Variants in LRRC28 observed in about 807,000 individuals in gnomAD.
LRRC28 encodes leucine rich repeat containing 28, also known as leucine-rich repeat-containing protein 28.
A neutral mutation model predicts 45.7 loss-of-function variants in LRRC28; 39 were observed. The observed-to-expected ratio is 0.85, with a 90% confidence interval of 0.66 to 1.12. The LOEUF (loss-of-function observed/expected upper bound fraction) is 1.12, where lower values mean the gene tolerates loss of function less well. LRRC28 is among the 50% of genes most tolerant of loss of function. The pLI, the probability that LRRC28 is intolerant of heterozygous loss-of-function variation, is 0.00. For missense variants in LRRC28, 435 were observed against 438.5 expected, an observed-to-expected ratio of 0.99 and a Z score of 0.07; for synonymous variants, 206 against 178.8, an observed-to-expected ratio of 1.15 and a Z score of -1.22.
At chr15:99,355,021 G>A (rs541474650) in intron 7 of LRRC28, among the ~76,000 whole-genome samples, 2 of 152,284 alleles carry the variant, frequency 1.3e-5, no homozygotes, top group South Asian at 4.1e-4. Flanking sequence ...ACATCTCAGA[G>A]GGAGAATAGA....
intron 5 of LRRC28, among the ~76,000 whole-genome samples, chr15:99,300,757 C>T (rs746001178): frequency 1.0e-3 from 156 of 152,230 alleles, no homozygotes; most frequent in Admixed American, 4.0e-3. Context: ...ACCCAAGAGG[C>T]GGAGGCTGCA....
chr15:99,285,622 T>A (rs1333816884), intron 3 of LRRC28: 4 of 665,134 alleles, frequency 6.0e-6, no homozygotes, highest in Admixed American at 2.4e-5. Context: ...CTCAGCAGCA[T>A]CCATGGGCAG....
rs1208160276 is a variant in LRRC28, at chr15:99,381,004, T to C, written c.1032-5026T>C. On this transcript the variant is annotated intron_variant, in intron 9 of 9. Transcript: ENST00000301981. The stretch of plus-strand genomic sequence containing the variant: ...TCAACTTTGGTGAATCTGATAATTA[T>C]GTATCTTGGAGTTGCTCTTCTCGAG... 9.8e-5 allele frequency among the ~76,000 whole-genome samples: 15 copies of C among 152,350 alleles called. 1 individual carries two copies. In the South Asian group the frequency reaches 2.1e-3, roughly 21 times the overall value.
chr15:99,343,057 T>C (rs1956568624), intron 6 of LRRC28, among the ~76,000 whole-genome samples: 1 of 152,244 alleles, frequency 6.6e-6, no homozygotes, highest in African/African-American at 2.4e-5. Flanking sequence ...TTATTCTGAA[T>C]TTATTACTAA....
intron 6 of LRRC28, among the ~76,000 whole-genome samples, chr15:99,344,981 G>A (rs1185417024): frequency 6.6e-6 from 1 of 152,180 alleles, no homozygotes; most frequent in East Asian, 1.9e-4. Context: ...TTCTTCTACT[G>A]TAGGCCGTAC....
chr15:99,315,064 G>A (rs1370339777), intron 5 of LRRC28, among the ~76,000 whole-genome samples: 2 of 151,984 alleles, frequency 1.3e-5, no homozygotes, highest in South Asian at 2.1e-4. Context: ...AATAGTAAAA[G>A]CTAGAAAATG....
chr15:99,258,766 A>C (rs1160957639), intron 2 of LRRC28: 4 of 695,704 alleles, frequency 5.7e-6, no homozygotes, highest in Non-Finnish European at 1.1e-5. Context: ...TTACCTTCAA[A>C]TCAATTTTAT....
At chr15:99,308,477 G>A (rs1237814471) in intron 5 of LRRC28, among the ~76,000 whole-genome samples, 1 of 152,122 alleles carries the variant, frequency 6.6e-6, no homozygotes, top group Admixed American at 6.5e-5. Context: ...ACCAGTCTGG[G>A]CAACATAGTA....
In LRRC28 at chr15:99,387,790, T is replaced by G. The variant is rs1287819412; in HGVS notation, c.*1688T>G. 1.3e-5 allele frequency: 2 copies of G among 152,180 alleles called. No homozygotes were observed. Among genetic ancestry groups the G allele is most frequent in the African/African-American group, 4.8e-5 (2 of 41,436 alleles). 9.4% of individuals were successfully genotyped at this position (152,180 alleles called of 1,614,324 possible). The stretch of plus-strand genomic sequence containing the variant: ...AAATTATTTTTTTTTAATTTCAGAC[T>G]TATCAAAAATTTGGTTGAGGGAATT... On this transcript the variant is annotated 3_prime_UTR_variant, in exon 10 of 10. Transcript: ENST00000301981.
chr15:99,352,881 T>C (rs1211572173), intron 7 of LRRC28, among the ~76,000 whole-genome samples: 3 of 152,348 alleles, frequency 2.0e-5, no homozygotes, highest in African/African-American at 7.2e-5. Context: ...TTTCTTTCAC[T>C]GAAGCCCATT....
rs1222758346 is a variant in LRRC28, at chr15:99,389,539, G to A, written c.*3437G>A. The A allele has an allele frequency of 6.6e-6, 1 of 152,120 alleles. No individual in the cohort carries two copies. The highest frequency in any genetic ancestry group is 2.4e-5 in the African/African-American group (1 of 41,414). The allele number at this position is 152,120 out of a possible 1,614,324, so 9.4% of individuals were successfully genotyped here. A position where few individuals can be genotyped will look rare whatever the true frequency, so the allele number is the denominator to read the frequency against. On this transcript the variant is annotated 3_prime_UTR_variant, in exon 10 of 10. Transcript: ENST00000301981. ...TTTTATTAAGATGATTTATGAACAT[G>A]GATTTCTAACTGGACCAACACTAAT...
chr15:99,254,957 T>C (rs1359410178), intron 1 of LRRC28, among the ~76,000 whole-genome samples: 2 of 152,202 alleles, frequency 1.3e-5, no homozygotes, highest in African/African-American at 4.8e-5. Flanking sequence ...AATACAGGAT[T>C]CTTGTTTCTG....
chr15:99,335,031 T>C (rs1441576594), intron 6 of LRRC28, among the ~76,000 whole-genome samples: 1 of 152,192 alleles, frequency 6.6e-6, no homozygotes, highest in Non-Finnish European at 1.5e-5. Context: ...TTTGAGGAGA[T>C]TATTTTTCCA....
intron 9 of LRRC28, 80 bp from the exon 10 acceptor site, chr15:99,385,950 G>T (rs1597486657): frequency 7.6e-7 from 1 of 1,320,370 alleles, no homozygotes; most frequent in East Asian, 2.3e-5. Flanking sequence ...TTTTAACAAA[G>T]AAAAAAGTTT....
chr15:99,353,815 A>C (rs1361312581), intron 7 of LRRC28: 1 of 152,190 alleles, frequency 6.6e-6, no homozygotes, highest in African/African-American at 2.4e-5. Flanking sequence ...TTTTAAGAAA[A>C]AGTGCCTTAT....
chr15:99,359,158 G>T (rs1957129910), intron 7 of LRRC28, among the ~76,000 whole-genome samples: 1 of 151,946 alleles, frequency 6.6e-6, no homozygotes, highest in Admixed American at 6.6e-5. Flanking sequence ...TTCAAATCAG[G>T]GTAACCCTCT....
chr15:99,290,498 C>T (rs539104631), intron 5 of LRRC28, among the ~76,000 whole-genome samples: 1 of 152,040 alleles, frequency 6.6e-6, no homozygotes, highest in Non-Finnish European at 1.5e-5. Flanking sequence ...ATGAGATACT[C>T]TTTTGAAGAT....
chr15:99,369,111 C>T (rs1342794354), intron 9 of LRRC28, among the ~76,000 whole-genome samples: 1 of 152,168 alleles, frequency 6.6e-6, no homozygotes, highest in Non-Finnish European at 1.5e-5. Flanking sequence ...GAGACCTCAC[C>T]AGAAGCATCT....
At chr15:99,312,922 T>C (rs1364361151) in intron 5 of LRRC28, among the ~76,000 whole-genome samples, 1 of 152,154 alleles carries the variant, frequency 6.6e-6, no homozygotes, top group East Asian at 1.9e-4. Context: ...GAATCACAAT[T>C]GTAAATATAA....
Sources: gnomAD v4.1 joint callset for allele counts (sites outside exome capture counted in the v4.1 genomes callset) on GRCh38, gnomAD v4.1.1 for gene constraint, MANE v1.5 for transcripts, NCBI Gene and HGNC (gene_info 2026-07-23, HGNC 2026-07-21) for gene names.